The following HOATZ variants were observed in gnomAD, a reference collection of about 807,000 sequenced individuals.
HOATZ encodes the protein cilia- and flagella-associated protein HOATZ.
Under a neutral mutation model 24.9 loss-of-function variants are expected in HOATZ, and 26 were observed. That is an observed-to-expected ratio of 1.04 (90% CI 0.76 to 1.45). The LOEUF (loss-of-function observed/expected upper bound fraction) is 1.45. Ranked by LOEUF, HOATZ falls within the 40% of genes most tolerant of loss-of-function variation. The pLI is 0.00. For missense variants in HOATZ, 226 were observed against 201.5 expected (o/e 1.12, Z -0.74); for synonymous variants, 83 against 76.6 (o/e 1.08, Z -0.43).
intron 1 of HOATZ, 100 bp from the exon 2 acceptor site, chr11:111,515,411 T>G: frequency 1.1e-6 from 1 of 952,074 alleles, no homozygotes; most frequent in Non-Finnish European, 1.7e-6. Flanking sequence ...GCCTAGGATG[T>G]GGAAACTGTT....
In HOATZ at chr11:111,514,819, G is replaced by C; in HGVS notation, c.35G>C (p.Arg12Pro). 6.2e-7 allele frequency: 1 copy of C among 1,614,030 alleles called. No individual in the cohort carries two copies. Among genetic ancestry groups the C allele is most frequent in the Non-Finnish European group, 8.5e-7 (1 of 1,179,986 alleles). ...ETGPSEEPSGRKESQEMCPPG... is the reference protein window; with the variant it reads ...ETGPSEEPSGPKESQEMCPPG... ...GGACCCAGCGAAGAACCTAGCGGCC[G>C]AAAAGAGTCCCAGGAAATGTGCCCC... The change falls in exon 1 of 6, where the codon CGA becomes CCA. Residue 12 changes from arginine to proline, a missense_variant. Physicochemically the swap from Arg to Pro is moderately radical, Grantham distance 103. Coordinates refer to ENST00000375618, the MANE Select transcript of HOATZ (RefSeq NM_001100388.2).
chr11:111,529,386 A>G (rs1867371996), intron 3 of HOATZ, among the ~76,000 whole-genome samples: 1 of 151,880 alleles, frequency 6.6e-6, no homozygotes, highest in Admixed American at 6.6e-5. Flanking sequence ...TTTTTTTAAG[A>G]CAGAGTCTCA....
intron 3 of HOATZ, among the ~76,000 whole-genome samples, chr11:111,517,054 A>G (rs925119567): frequency 1.3e-5 from 2 of 152,260 alleles, no homozygotes; most frequent in South Asian, 2.1e-4. Flanking sequence ...ATCTTTAATC[A>G]TTGGACATAT....
At chr11:111,526,010 A>G (rs1260679388) in intron 3 of HOATZ, among the ~76,000 whole-genome samples, 1 of 152,212 alleles carries the variant, frequency 6.6e-6, no homozygotes, top group Non-Finnish European at 1.5e-5. Flanking sequence ...CAATCAAGGG[A>G]ATCAGGGAGG....
chr11:111,516,645 A>T (rs1469566744), intron 3 of HOATZ, among the ~76,000 whole-genome samples: 2 of 152,188 alleles, frequency 1.3e-5, no homozygotes, highest in Non-Finnish European at 2.9e-5. Context: ...TGAGTCCAGA[A>T]ATTCAAGGCT....
chr11:111,521,707 T>G (rs1426858291), intron 3 of HOATZ, among the ~76,000 whole-genome samples: 1 of 152,248 alleles, frequency 6.6e-6, no homozygotes, highest in African/African-American at 2.4e-5. Flanking sequence ...AAACAGACTG[T>G]GCATTTATAG....
At chr11:111,524,723 C>A (rs1440107214) in intron 3 of HOATZ, among the ~76,000 whole-genome samples, 2 of 152,186 alleles carry the variant, frequency 1.3e-5, no homozygotes, top group African/African-American at 2.4e-5. Flanking sequence ...ATATAGGAGA[C>A]AAATTGACCT....
intron 5 of HOATZ, chr11:111,536,489 C>A (rs559877117): frequency 4.1e-5 from 11 of 266,024 alleles, no homozygotes; most frequent in African/African-American, 2.2e-4. Flanking sequence ...AATGGGTAAA[C>A]CAAAGAAATC....
chr11:111,536,704 A>C, intron 5 of HOATZ, 66 bp from the exon 6 acceptor site: 1 of 1,295,372 alleles, frequency 7.7e-7, no homozygotes, highest in Admixed American at 1.7e-5. Flanking sequence ...AGTTGTTTTC[A>C]TGCTACATCA....
In HOATZ at chr11:111,529,450, G is replaced by A. The variant is rs188574642; in HGVS notation, c.340-4296G>A. Among the ~76,000 whole-genome samples the A allele has an allele frequency of 2.0e-4, 31 of 152,044 alleles. No homozygotes were observed. In the East Asian group the frequency reaches 4.4e-3, roughly 22 times the overall value. On this transcript the variant is annotated intron_variant, in intron 3 of 5. Coordinates refer to ENST00000375618, the MANE Select transcript of HOATZ (RefSeq NM_001100388.2). The stretch of plus-strand genomic sequence containing the variant: ...GCAATCTCGGCTCACTGCAACCTCC[G>A]CCTCCTGGGTTCAAGCGATTCTCCT...
chr11:111,517,605 C>T (rs896096756), intron 3 of HOATZ, among the ~76,000 whole-genome samples: 2 of 152,128 alleles, frequency 1.3e-5, no homozygotes, highest in Middle Eastern at 3.4e-3. Flanking sequence ...AGATGTGATC[C>T]CTTATCTCAA....
At position 111,516,208 on chromosome 11, in the gene HOATZ, G is replaced by A. The variant is rs946019689; in HGVS notation, c.339+98G>A. On this transcript the variant is annotated intron_variant, in intron 3 of 5. Coordinates refer to ENST00000375618, the MANE Select transcript of HOATZ (RefSeq NM_001100388.2). Reference sequence around the variant, plus strand: ...TATATTTAAAAATCTGCTACTTCTAGTGCATCAGCTTGAGCAAATTAAGGA... The same window carrying A: ...TATATTTAAAAATCTGCTACTTCTAATGCATCAGCTTGAGCAAATTAAGGA... 1.0e-5 allele frequency: 7 copies of A among 693,224 alleles called. No homozygotes were observed. The South Asian group carries it at 1.4e-4, about 14-fold the overall frequency. The allele number at this position is 693,224 out of a possible 1,614,324, so 42.9% of individuals were successfully genotyped here.
At chr11:111,519,468 C>T (rs563277250) in intron 3 of HOATZ, among the ~76,000 whole-genome samples, 1 of 152,264 alleles carries the variant, frequency 6.6e-6, no homozygotes, top group East Asian at 1.9e-4. Flanking sequence ...AATCTGTTAG[C>T]ACATCACCTC....
In HOATZ at chr11:111,536,896, A is replaced by G. The variant is rs1867456876; in HGVS notation, c.*69A>G. On this transcript the variant is annotated 3_prime_UTR_variant, in exon 6 of 6. Coordinates refer to ENST00000375618, the MANE Select transcript of HOATZ (RefSeq NM_001100388.2). The stretch of plus-strand genomic sequence containing the variant: ...TTTGGAAACAACCTTCTCTTAGATC[A>G]GGATCATTGAGATCACTGGCAACAT... 1 of 1,187,336 alleles carries G rather than the reference A, an allele frequency of 8.4e-7. No homozygotes were observed. The highest frequency in any genetic ancestry group is 1.7e-5 in the Admixed American group (1 of 58,908). The allele number at this position is 1,187,336 out of a possible 1,614,324, so 73.6% of individuals were successfully genotyped here.
intron 3 of HOATZ, among the ~76,000 whole-genome samples, chr11:111,533,512 TATTTTACAATAAA>T (rs916356462): frequency 6.6e-6 from 1 of 152,176 alleles, no homozygotes; most frequent in Non-Finnish European, 1.5e-5. Flanking sequence ...AGCATTTTAT[TATTTTACAATAAA>T]ATTTTACAGC....
intron 3 of HOATZ, among the ~76,000 whole-genome samples, chr11:111,531,068 T>G (rs905204916): frequency 2.0e-5 from 3 of 152,220 alleles, no homozygotes; most frequent in Non-Finnish European, 1.5e-5. Context: ...CTATTATTTT[T>G]GAATCTTGTA....
In HOATZ at chr11:111,516,074, A is replaced by G; in HGVS notation, c.303A>G (p.Ile101Met). 1 of 1,601,798 alleles carries G rather than the reference A, an allele frequency of 6.2e-7. No individual in the cohort carries two copies. Residue 101 changes from isoleucine to methionine, a missense_variant, in exon 3 of 6, where the codon ATA becomes ATG. By Grantham distance (10) the Ile-to-Met change is conservative (BLOSUM62 1). Coordinates refer to ENST00000375618, the MANE Select transcript of HOATZ (RefSeq NM_001100388.2). Reference protein sequence around the residue: ...NRDIFAEALKIQESEEKVKYL... With the variant: ...NRDIFAEALKMQESEEKVKYL... ...ACATCTTTGCCGAAGCCCTAAAGAT[A>G]CAGGAATCTGAGGAGAAAGTAAAGT...
At position 111,515,465 on chromosome 11, in the gene HOATZ, G is replaced by C. The variant is rs757579803; in HGVS notation, c.227-46G>C. On this transcript the variant is annotated intron_variant, in intron 1 of 5. Transcript: ENST00000375618. ...AAAAAATTCAAACGCCTTTAATGTT[G>C]TTGACTTTTCCAATGATTTCTTTAC... 9.1e-6 allele frequency: 14 copies of C among 1,538,442 alleles called. No homozygotes were observed. The African/African-American group carries it at 1.9e-4, about 21-fold the overall frequency.
At chr11:111,532,204 A>G (rs1315549956) in intron 3 of HOATZ, among the ~76,000 whole-genome samples, 1 of 152,180 alleles carries the variant, frequency 6.6e-6, no homozygotes, top group Non-Finnish European at 1.5e-5. Flanking sequence ...CTTCTGCTAC[A>G]TAAGTCTGCA....
Sources: gnomAD v4.1 joint callset for allele counts (sites outside exome capture counted in the v4.1 genomes callset) on GRCh38, gnomAD v4.1.1 for gene constraint, MANE v1.5 for transcripts, NCBI Gene and HGNC (gene_info 2026-07-23, HGNC 2026-07-21) for gene names.